TRIM14: variants seen among roughly 807,000 people sequenced by gnomAD.
The protein encoded by TRIM14 is tripartite motif containing 14.
A neutral mutation model predicts 44.5 loss-of-function variants in TRIM14; 28 were observed. The observed-to-expected ratio is 0.63, with a 90% CI of 0.47 to 0.86. The LOEUF (loss-of-function observed/expected upper bound fraction) is 0.86. TRIM14 is among the 40% of genes least tolerant of loss of function. TRIM14 has a pLI of 0.00. For missense variants in TRIM14, 607 were observed against 611.1 expected, an observed-to-expected ratio of 0.99 and a Z score of 0.07; for synonymous variants, 299 against 269.2, an observed-to-expected ratio of 1.11 and a Z score of -1.08.
At chr9:98,045,405 G>C in the TRIM14 span, among the ~76,000 whole-genome samples, 14 of 152,128 alleles carry the variant, frequency 9.2e-5, no homozygotes, top group African/African-American at 3.4e-4. Context: ...AACAAGTGGA[G>C]GTATAAACAA....
intron 5 of TRIM14, among the ~76,000 whole-genome samples, chr9:98,088,412 T>C (rs1162360900): frequency 6.6e-6 from 1 of 152,118 alleles, no homozygotes; most frequent in Non-Finnish European, 1.5e-5. Context: ...TGGAGTGCAG[T>C]GGCGCGATCT....
At chr9:98,080,897 G>C (rs1301054434), downstream of TRIM14, 1 of 1,614,192 alleles carries the variant, frequency 6.2e-7, no homozygotes, top group South Asian at 1.1e-5. Flanking sequence ...GGCCGCAGTG[G>C]CTCTGGGGGC....
chr9:98,087,454 A>ACGC lies in TRIM14; in HGVS notation c.*13_*15dup. On this transcript the variant is annotated 3_prime_UTR_variant, in exon 6 of 6. Coordinates refer to ENST00000341469, the MANE Select transcript of TRIM14 (RefSeq NM_014788.4). ...AGCTGCGGCGTACCTGGAGGCTGTC[A>ACGC]CGCCGGTCCTGGCCCCTAGGGCAGC... The ACGC allele has an allele frequency of 6.2e-7, 1 of 1,605,902 alleles. No homozygotes were observed. The highest frequency in any genetic ancestry group is 8.5e-7 in the Non-Finnish European group (1 of 1,174,946).
the TRIM14 span, among the ~76,000 whole-genome samples, chr9:98,062,906 T>TA: frequency 6.6e-6 from 1 of 151,544 alleles, no homozygotes; most frequent in Non-Finnish European, 1.5e-5. Context: ...AGTTTAAAAT[T>TA]AAAAAAAGTT....
At chr9:98,043,647 T>TAC in the TRIM14 span, among the ~76,000 whole-genome samples, 1 of 149,414 alleles carries the variant, frequency 6.7e-6, no homozygotes, top group Non-Finnish European at 1.5e-5. Context: ...CAGACACACA[T>TAC]ACACACACAC....
In TRIM14 at chr9:98,087,671, G is replaced by A. The variant is rs1470787410; in HGVS notation, c.1128C>T (p.Asp376=). ...RYDLEYWAFH[D]GQRSRLRPRD... is the part of the protein sequence containing the mutation. Reference sequence around the variant, plus strand: ...GGGGCCGCAGGCGGCTGCGCTGGCCGTCGTGGAAGGCCCAGTACTCAAGGT... The same window carrying A: ...GGGGCCGCAGGCGGCTGCGCTGGCCATCGTGGAAGGCCCAGTACTCAAGGT... Residue 376 remains aspartate (D), a synonymous_variant, in exon 6 of 6, where the codon GAC becomes GAT. Coordinates refer to ENST00000341469, the MANE Select transcript of TRIM14 (RefSeq NM_014788.4). 1.2e-6 allele frequency: 2 copies of A among 1,602,354 alleles called. No homozygotes were observed. The highest frequency in any genetic ancestry group is 1.3e-5 in the African/African-American group (1 of 74,864).
chr9:98,105,749 C>T (rs889387866), intron 2 of TRIM14, among the ~76,000 whole-genome samples: 1 of 152,146 alleles, frequency 6.6e-6, no homozygotes, highest in African/African-American at 2.4e-5. Context: ...GGGGCCTGGC[C>T]ATCCAGGGGG....
Position 98,077,010 on chromosome 9 carries a change from C to A in TRIM14, c.*29-7323G>T, listed in dbSNP as rs1564163705. On this transcript the variant is annotated intron_variant, in intron 6 of 6. Transcript: ENST00000375098. ...ATTTTCCTTATCTGGAAAAGACAGC[C>A]AAAAAAGGTAAGTGTCTAATTTTTG... 3.1e-6 allele frequency: 5 copies of A among 1,599,848 alleles called. No homozygotes were observed. The Admixed American group carries it at 5.2e-5, about 17-fold the overall frequency.
chr9:98,083,105 G>C, downstream of TRIM14: 3 of 1,580,800 alleles, frequency 1.9e-6, no homozygotes, highest in East Asian at 2.3e-5. Flanking sequence ...GATGCTGTCA[G>C]GTGTGTTTGA....
At chr9:98,077,856 G>A (rs1289766682) in intron 6 of TRIM14, among the ~76,000 whole-genome samples, 1 of 152,142 alleles carries the variant, frequency 6.6e-6, no homozygotes, top group Non-Finnish European at 1.5e-5. Context: ...TCACACTCTT[G>A]AATCAGCACT....
rs182002769 is a variant in TRIM14 at position 98,098,826 on chromosome 9, C to T, written c.537+1105G>A. Among the ~76,000 whole-genome samples, 5 of 152,176 alleles carry T rather than the reference C, an allele frequency of 3.3e-5. No individual in the cohort carries two copies. The East Asian group carries it at 9.7e-4, about 30-fold the overall frequency. On this transcript the variant is annotated intron_variant, in intron 3 of 5. Coordinates refer to ENST00000341469, the MANE Select transcript of TRIM14 (RefSeq NM_014788.4). ...TTTGAGACAGAGTCTCACTCTGTTA[C>T]CCGGCCTGGAGTGCAGTGGCATGAT...
intron 3 of TRIM14, among the ~76,000 whole-genome samples, chr9:98,098,044 G>T (rs1044399627): frequency 1.7e-4 from 26 of 152,270 alleles, no homozygotes; most frequent in African/African-American, 5.8e-4. Flanking sequence ...CTGGCTTGGC[G>T]GGTTTTGTGT....
At chr9:98,062,777 GT>G in the TRIM14 span, among the ~76,000 whole-genome samples, 1,057 of 109,316 alleles carry the variant, frequency 9.7e-3, 6 homozygotes, top group African/African-American at 0.03. Flanking sequence ...AGTTATTTCA[GT>G]TTTTTTTTTT....
Position 98,089,931 on chromosome 9 carries a change from CCTCG to C in TRIM14, c.794-1930_794-1927del, listed in dbSNP as rs773423765. Among the ~76,000 whole-genome samples, 28 of 152,308 alleles carry C rather than the reference CCTCG, an allele frequency of 1.8e-4. 1 individual carries two copies. In the East Asian group the frequency reaches 4.6e-3, roughly 25 times the overall value. Reference sequence around the variant, plus strand: ...ATAAAACCACTTTCTTTATACCAGACCTCGCTCTTGTTAATTGAACTCTGCAAAG... The same window carrying C: ...ATAAAACCACTTTCTTTATACCAGACCTCTTGTTAATTGAACTCTGCAAAG... On this transcript the variant is annotated intron_variant, in intron 5 of 5. Coordinates refer to ENST00000341469, the MANE Select transcript of TRIM14 (RefSeq NM_014788.4).
At chr9:98,058,204 A>G in the TRIM14 span, among the ~76,000 whole-genome samples, 96 of 152,242 alleles carry the variant, frequency 6.3e-4, 1 homozygote, top group East Asian at 0.011. Context: ...GGTGTGAGCC[A>G]CCACCCTCGG....
At chr9:98,113,247 G>T (rs1826925343) in intron 1 of TRIM14, among the ~76,000 whole-genome samples, 1 of 151,960 alleles carries the variant, frequency 6.6e-6, no homozygotes, top group South Asian at 2.1e-4. Context: ...TTTTATCAGA[G>T]CATTGATCTG....
chr9:98,054,331 T>C, the TRIM14 span, among the ~76,000 whole-genome samples: 1 of 152,104 alleles, frequency 6.6e-6, no homozygotes, highest in East Asian at 1.9e-4. Flanking sequence ...CCTTCCAAAC[T>C]ATCCTATTCT....
Position 98,119,116 on chromosome 9 carries a change from G to T in TRIM14, c.73C>A (p.Pro25Thr). The T allele has an allele frequency of 1.3e-6, 2 of 1,587,530 alleles. No individual in the cohort carries two copies. The highest frequency in any genetic ancestry group is 2.2e-5 in the South Asian group (2 of 89,554). The change falls in exon 1 of 6, where the codon CCG becomes ACG. Residue 25 changes from proline (P) to threonine (T), a missense_variant. Physicochemically the swap from Pro to Thr is conservative, Grantham distance 38. Coordinates refer to ENST00000341469, the MANE Select transcript of TRIM14 (RefSeq NM_014788.4). Reference protein sequence around the residue: ...ELVEGCGWRCPEHGDRVAELF... With the variant: ...ELVEGCGWRCTEHGDRVAELF... Reference sequence around the variant, plus strand: ...TCAGCCACGCGGTCGCCATGCTCCGGGCAGCGCCAGCCGCATCCCTCGACA... The same window carrying T: ...TCAGCCACGCGGTCGCCATGCTCCGTGCAGCGCCAGCCGCATCCCTCGACA...
chr9:98,102,327 A>G (rs1257902037), intron 2 of TRIM14, among the ~76,000 whole-genome samples: 1 of 152,086 alleles, frequency 6.6e-6, no homozygotes, highest in Non-Finnish European at 1.5e-5. Flanking sequence ...CTCTAAATAA[A>G]TCTGCCTTTC....
Sources: gnomAD v4.1 joint callset for allele counts (sites outside exome capture counted in the v4.1 genomes callset) on GRCh38, gnomAD v4.1.1 for gene constraint, MANE v1.5 for transcripts, NCBI Gene and HGNC (gene_info 2026-07-23, HGNC 2026-07-21) for gene names.